Variants in NBAS observed in about 807,000 individuals in gnomAD.
The protein encoded by NBAS is NBAS subunit of NRZ tethering complex, also known as NAG/BC035112 fusion.
In NBAS, 219 loss-of-function variants were observed where a neutral mutation model predicts 302.5. The ratio of observed to expected loss-of-function variants is 0.72; its 90% CI spans 0.65 to 0.81. NBAS has a LOEUF of 0.81. Ranked by LOEUF, NBAS falls within the 30% of genes least tolerant of loss-of-function variation. NBAS has a pLI of 0.00. For missense variants in NBAS, 2,932 were observed against 2,841.6 expected, an observed-to-expected ratio of 1.03 and a Z score of -0.72; for synonymous variants, 1,118 against 1,021.6, an observed-to-expected ratio of 1.09 and a Z score of -1.80.
chr2:15,064,302 C>CAAAAAAAAAAAAAAAAAAACAAA, the NBAS span, among the ~76,000 whole-genome samples: 1 of 131,392 alleles, frequency 7.6e-6, no homozygotes, highest in African/African-American at 3.1e-5. Context: ...AGAAAAGACT[C>CAAAAAAAAAAAAAAAAAAACAAA]AAAAAAAAAA....
At chr2:15,409,430 A>G (rs1676575325) in intron 25 of NBAS, among the ~76,000 whole-genome samples, 1 of 152,078 alleles carries the variant, frequency 6.6e-6, no homozygotes, top group Non-Finnish European at 1.5e-5. Flanking sequence ...TGCTCTCTCT[A>G]TCCTCAATGT....
At chr2:14,845,102 C>T in the NBAS span, among the ~76,000 whole-genome samples, 1 of 152,110 alleles carries the variant, frequency 6.6e-6, no homozygotes, top group African/African-American at 2.4e-5. Context: ...TGAGTGAGAC[C>T]CAGTGCTCTG....
At chr2:15,216,607 T>G (rs953216363) in intron 48 of NBAS, among the ~76,000 whole-genome samples, 1 of 152,224 alleles carries the variant, frequency 6.6e-6, no homozygotes, top group South Asian at 2.1e-4. Flanking sequence ...TCAGAAGTCC[T>G]TGAACTCATA....
intron 35 of NBAS, 51 bp from the exon 36 acceptor site, chr2:15,330,816 C>A: frequency 6.3e-7 from 1 of 1,576,044 alleles, no homozygotes; most frequent in Non-Finnish European, 8.7e-7. Flanking sequence ...ACCATAAGAA[C>A]AGAGAAGACA....
At chr2:15,408,522 C>T (rs1020793801) in intron 25 of NBAS, among the ~76,000 whole-genome samples, 2 of 152,166 alleles carry the variant, frequency 1.3e-5, no homozygotes, top group Non-Finnish European at 2.9e-5. Context: ...TAATTTCCTT[C>T]TTCATGAAGT....
chr2:15,293,651 G>GAAAA (rs5829496), intron 40 of NBAS, among the ~76,000 whole-genome samples: 1 of 149,542 alleles, frequency 6.7e-6, no homozygotes, highest in African/African-American at 2.4e-5. Flanking sequence ...GCAAATTAGA[G>GAAAA]AAAAAAAAAA....
At position 15,292,779 on chromosome 2, in the gene NBAS, T is replaced by C. The variant is rs1426647309; in HGVS notation, c.4798-13A>G. The C allele has an allele frequency of 1.2e-6, 2 of 1,612,878 alleles. No individual in the cohort carries two copies. Among genetic ancestry groups the C allele is most frequent in the African/African-American group, 2.7e-5 (2 of 74,984 alleles). ...CTTTGGGATCAGCCTATGAAAGACA[T>C]GGAAAAGAAGACATTTTACCAACAT... On this transcript the variant is annotated splice_polypyrimidine_tract_variant and intron_variant, in intron 40 of 51. Coordinates refer to ENST00000281513, the MANE Select transcript of NBAS (RefSeq NM_015909.4).
At chr2:15,503,752 G>A (rs137901572) in intron 11 of NBAS, among the ~76,000 whole-genome samples, 10 of 151,938 alleles carry the variant, frequency 6.6e-5, no homozygotes, top group African/African-American at 2.4e-4. Flanking sequence ...TCAGATTTGG[G>A]GAAGAATTTT....
the NBAS span, among the ~76,000 whole-genome samples, chr2:15,132,626 T>C: frequency 2.0e-5 from 3 of 152,178 alleles, no homozygotes; most frequent in African/African-American, 4.8e-5. Flanking sequence ...GTAACAAATG[T>C]ACCAAATTGT....
intron 32 of NBAS, among the ~76,000 whole-genome samples, chr2:15,358,874 G>C (rs1372528130): frequency 6.6e-6 from 1 of 152,166 alleles, no homozygotes; most frequent in African/African-American, 2.4e-5. Flanking sequence ...CTAACAGAAT[G>C]AAAATAATTT....
intron 47 of NBAS, among the ~76,000 whole-genome samples, chr2:15,232,123 C>A (rs1380161493): frequency 3.3e-5 from 5 of 151,966 alleles, no homozygotes; most frequent in African/African-American, 9.7e-5. Context: ...AATGAGAATC[C>A]CCTATCTTGT....
At chr2:15,091,735 AT>A in the NBAS span, among the ~76,000 whole-genome samples, 1 of 151,938 alleles carries the variant, frequency 6.6e-6, no homozygotes, top group Non-Finnish European at 1.5e-5. Context: ...GCTTCGCCAT[AT>A]TGGCCAGGCT....
intron 47 of NBAS, among the ~76,000 whole-genome samples, chr2:15,221,759 A>C (rs1271894677): frequency 2.6e-5 from 4 of 152,228 alleles, no homozygotes. Flanking sequence ...CAAAGGACAA[A>C]GAATTTTCAG....
chr2:14,810,454 G>A, the NBAS span, among the ~76,000 whole-genome samples: 4 of 152,170 alleles, frequency 2.6e-5, no homozygotes, highest in African/African-American at 7.2e-5. Flanking sequence ...TGCTGCCATC[G>A]ATGTAAGACA....
the NBAS span, among the ~76,000 whole-genome samples, chr2:14,866,147 C>G: frequency 2.0e-5 from 3 of 152,064 alleles, no homozygotes; most frequent in Admixed American, 2.0e-4. Flanking sequence ...GTTCAAAGTC[C>G]ATATTGGCCA....
intron 44 of NBAS, among the ~76,000 whole-genome samples, chr2:15,243,964 A>G (rs1262410688): frequency 1.3e-5 from 2 of 152,234 alleles, no homozygotes; most frequent in East Asian, 3.9e-4. Context: ...CAAGGGCGTG[A>G]CACTCCGTAA....
At chr2:15,220,941 C>G (rs1666923366) in intron 47 of NBAS, among the ~76,000 whole-genome samples, 1 of 151,922 alleles carries the variant, frequency 6.6e-6, no homozygotes, top group African/African-American at 2.4e-5. Context: ...ATATACTTGT[C>G]AAATGCTATC....
chr2:14,960,676 T>C, the NBAS span, among the ~76,000 whole-genome samples: 6 of 152,216 alleles, frequency 3.9e-5, no homozygotes, highest in Admixed American at 1.3e-4. Flanking sequence ...CCAATTCTAA[T>C]TGAGCTCTTT....
In NBAS at chr2:15,511,200, A is replaced by T; in HGVS notation, c.885+12T>A. On this transcript the variant is annotated intron_variant, in intron 10 of 51. Transcript: ENST00000281513. ...ACACATAGCAAAGTGAAGTGCCATA[A>T]CTCATACTTACTGCAGTAACCCCGT... 1.2e-6 allele frequency: 2 copies of T among 1,613,994 alleles called. No individual in the cohort carries two copies. The highest frequency in any genetic ancestry group is 2.2e-5 in the South Asian group (2 of 91,074).
Sources: gnomAD v4.1 joint callset for allele counts (sites outside exome capture counted in the v4.1 genomes callset) on GRCh38, gnomAD v4.1.1 for gene constraint, MANE v1.5 for transcripts, NCBI Gene and HGNC (gene_info 2026-07-23, HGNC 2026-07-21) for gene names.